Variants in MAP2K4 observed in about 807,000 individuals in gnomAD.
MAP2K4 encodes mitogen-activated protein kinase kinase 4.
A neutral mutation model predicts 48.5 loss-of-function variants in MAP2K4; 4 were observed. That is an observed-to-expected ratio of 0.08 (90% CI 0.04 to 0.19). The LOEUF (loss-of-function observed/expected upper bound fraction) is 0.19. Among genes scored for constraint, MAP2K4 ranks in the 10% least tolerant of loss-of-function variants. MAP2K4 has a pLI of 1.00. For synonymous variants in MAP2K4, 166 were observed against 173.1 expected, an observed-to-expected ratio of 0.96 and a Z score of 0.32; for missense variants, 258 against 493.3, an observed-to-expected ratio of 0.52 and a Z score of 4.52.
At chr17:12,110,758 A>G (rs1297651444) in intron 6 of MAP2K4, 1 of 226,888 alleles carries the variant, frequency 4.4e-6, no homozygotes, top group Non-Finnish European at 8.5e-6. Context: ...TGGACATTCA[A>G]AGAAGAATCT....
chr17:12,044,167 T>C (rs1004752977), intron 1 of MAP2K4, among the ~76,000 whole-genome samples: 9 of 152,232 alleles, frequency 5.9e-5, no homozygotes, highest in Admixed American at 5.9e-4. Flanking sequence ...ATATTTTTCA[T>C]TGTACTACAG....
intron 1 of MAP2K4, among the ~76,000 whole-genome samples, chr17:12,049,336 C>T (rs949782803): frequency 6.6e-6 from 1 of 152,128 alleles, no homozygotes; most frequent in African/African-American, 2.4e-5. Context: ...CCAGGTTTCT[C>T]TTTATTGTGT....
intron 7 of MAP2K4, among the ~76,000 whole-genome samples, chr17:12,115,313 TTTG>T (rs1972454045): frequency 6.6e-6 from 1 of 152,180 alleles, no homozygotes; most frequent in African/African-American, 2.4e-5. Context: ...GTTAGGCAAT[TTTG>T]TTGTGCAAAA....
Position 12,110,311 on chromosome 17 carries a change from A to G in MAP2K4, c.634-64A>G, listed in dbSNP as rs3213686. On this transcript the variant is annotated intron_variant, in intron 5 of 10. Transcript: ENST00000353533. ...CTACACGGGATATTACTTGTGATAA[A>G]CTGTTGTGCTGTTTGAATAAAAAGA... is the stretch of plus-strand genomic sequence containing the variant. 1.7e-4 allele frequency: 190 copies of G among 1,094,378 alleles called. No individual in the cohort carries two copies. In the East Asian group the frequency reaches 4.2e-3, roughly 24 times the overall value. The allele number at this position is 1,094,378 out of a possible 1,614,324, so 67.8% of individuals were successfully genotyped here.
At chr17:12,048,201 C>G (rs938916971) in intron 1 of MAP2K4, among the ~76,000 whole-genome samples, 5 of 152,110 alleles carry the variant, frequency 3.3e-5, no homozygotes, top group Admixed American at 3.3e-4. Flanking sequence ...GCAGAATGCC[C>G]AACGAAACAG....
At chr17:12,112,492 A>T (rs997466001) in intron 6 of MAP2K4, among the ~76,000 whole-genome samples, 1 of 143,664 alleles carries the variant, frequency 7.0e-6, no homozygotes, top group African/African-American at 2.5e-5. Context: ...AAAAGCATGG[A>T]TGGTTAGGAA....
chr17:12,023,425 A>G (rs1339517253), intron 1 of MAP2K4, among the ~76,000 whole-genome samples: 1 of 152,160 alleles, frequency 6.6e-6, no homozygotes, highest in East Asian at 1.9e-4. Flanking sequence ...TTTGCTTTAG[A>G]TCAGACTTCA....
chr17:12,103,039 TAAAAA>T (rs555398450), intron 4 of MAP2K4, among the ~76,000 whole-genome samples: 1 of 126,416 alleles, frequency 7.9e-6, no homozygotes, highest in African/African-American at 2.9e-5. Context: ...TTCTTATCTT[TAAAAA>T]AAAAAAAAAA....
intron 2 of MAP2K4, among the ~76,000 whole-genome samples, chr17:12,072,176 A>G (rs147473498): frequency 2.0e-5 from 3 of 152,224 alleles, no homozygotes; most frequent in Admixed American, 1.3e-4. Context: ...GTTAATCCAA[A>G]TTAGGGTTCA....
chr17:12,037,636 A>G (rs1162106682), intron 1 of MAP2K4, among the ~76,000 whole-genome samples: 1 of 152,022 alleles, frequency 6.6e-6, no homozygotes, highest in African/African-American at 2.4e-5. Flanking sequence ...AAGTTTATAT[A>G]TATAGTTAAT....
At chr17:12,049,993 C>T (rs1287590687) in intron 1 of MAP2K4, among the ~76,000 whole-genome samples, 1 of 152,180 alleles carries the variant, frequency 6.6e-6, no homozygotes, top group African/African-American at 2.4e-5. Flanking sequence ...AAGTACTTTG[C>T]TGTTACTACA....
chr17:12,061,349 A>G (rs1970444305), intron 2 of MAP2K4, among the ~76,000 whole-genome samples: 1 of 152,162 alleles, frequency 6.6e-6, no homozygotes, highest in Non-Finnish European at 1.5e-5. Context: ...ATTCAGTCTT[A>G]TCTTTAGTCC....
At position 12,115,411 on chromosome 17, in the gene MAP2K4, A is replaced by G. The variant is rs144345956; in HGVS notation, c.813+2051A>G. 1.9e-5 allele frequency: 8 copies of G among 427,664 alleles called. No individual in the cohort carries two copies. In the Admixed American group the frequency reaches 2.5e-4, roughly 13 times the overall value. 26.5% of individuals were successfully genotyped at this position (427,664 alleles called of 1,614,324 possible). A position where few individuals can be genotyped will look rare whatever the true frequency, so the allele number is the denominator to read the frequency against. On this transcript the variant is annotated intron_variant, in intron 7 of 10. Transcript: ENST00000353533. The stretch of plus-strand genomic sequence containing the variant: ...GTACAGCCTGTTGCTTCTAGACTAC[A>G]AGCCTATACAGCATGTTACTGTACT...
At chr17:12,125,733 A>G (rs1001445139) in intron 8 of MAP2K4, among the ~76,000 whole-genome samples, 1 of 152,180 alleles carries the variant, frequency 6.6e-6, no homozygotes, top group Admixed American at 6.6e-5. Context: ...CATCTCAGGC[A>G]AGGTGTAGTA....
Position 12,125,451 on chromosome 17 carries a change from TCCCCG to T in MAP2K4, c.891+81_891+85del, listed in dbSNP as rs1258900493. 1,453 of 1,105,008 alleles carry T rather than the reference TCCCCG, an allele frequency of 1.3e-3. 2 individuals carry two copies. The highest frequency in any genetic ancestry group is 1.9e-3 in the Non-Finnish European group (1,329 of 716,906). 68.5% of individuals were successfully genotyped at this position (1,105,008 alleles called of 1,614,324 possible). A position where few individuals can be genotyped will look rare whatever the true frequency, so the allele number is the denominator to read the frequency against. ...AAGTGAAAGAAAACTTAATCAGACT[TCCCCG>T]TTCGTTAAGAACTATAATCACAGAC... On this transcript the variant is annotated intron_variant, in intron 8 of 10. Transcript: ENST00000353533.
chr17:12,125,179 A>G (rs1273614112), intron 7 of MAP2K4, 115 bp from the exon 8 acceptor site: 5 of 742,276 alleles, frequency 6.7e-6, no homozygotes, highest in South Asian at 2.9e-5. Context: ...GACGCTAGAC[A>G]TGGATTCCTC....
In MAP2K4 at chr17:12,136,093, C is replaced by T. The variant is rs192227877; in HGVS notation, c.1041-3746C>T. ...AGTCCCTGGTTGGAAAGATATGCTCCTCTTGCCCCCAGTTGATGGGCAGAA... is the reference window on the plus strand; with the variant it reads ...AGTCCCTGGTTGGAAAGATATGCTCTTCTTGCCCCCAGTTGATGGGCAGAA... On this transcript the variant is annotated intron_variant, in intron 9 of 10. Transcript: ENST00000353533. 4.2e-3 allele frequency among the ~76,000 whole-genome samples: 641 copies of T among 152,276 alleles called. 4 individuals are homozygous for T. Among genetic ancestry groups the T allele is most frequent in the Non-Finnish European group, 6.2e-3 (421 of 68,024 alleles).
chr17:12,135,696 C>T (rs959727013), intron 9 of MAP2K4, among the ~76,000 whole-genome samples: 6 of 151,936 alleles, frequency 3.9e-5, no homozygotes, highest in African/African-American at 1.2e-4. Flanking sequence ...ACTACAGGCA[C>T]GCACCACCAC....
chr17:12,141,110 C>G, intron 10 of MAP2K4, 37 bp from the exon 11 acceptor site: 1 of 1,364,938 alleles, frequency 7.3e-7, no homozygotes, highest in Non-Finnish European at 1.0e-6. Flanking sequence ...GGCTGTCATA[C>G]AAACTTTTGA....
Sources: gnomAD v4.1 joint callset for allele counts (sites outside exome capture counted in the v4.1 genomes callset) on GRCh38, gnomAD v4.1.1 for gene constraint, MANE v1.5 for transcripts, NCBI Gene and HGNC (gene_info 2026-07-23, HGNC 2026-07-21) for gene names.